The following CEP41 variants were observed in gnomAD, a reference collection of about 807,000 sequenced individuals.
The protein encoded by CEP41 is centrosomal protein 41.
A neutral mutation model predicts 44.3 loss-of-function variants in CEP41; 32 were observed. The ratio of observed to expected loss-of-function variants is 0.72; its 90% CI spans 0.54 to 0.97. CEP41 has a LOEUF of 0.97. CEP41 is among the 50% of genes least tolerant of loss of function. The pLI is 0.00. For synonymous variants in CEP41, 151 were observed against 168.5 expected (o/e 0.90, Z 0.80); for missense variants, 432 against 455.2 (o/e 0.95, Z 0.46).
At position 130,399,024 on chromosome 7, in the gene CEP41, G is replaced by C. The variant is rs782447449; in HGVS notation, c.989C>G (p.Ala330Gly). Residue 330 changes from alanine (A) to glycine (G), a missense_variant, in exon 11 of 11, where the codon GCT becomes GGT. By Grantham distance (60) the Ala-to-Gly change is moderately conservative. Transcript: ENST00000223208. ...PADHPSRLNQ[A>G]NSSGRESKVP... ...CTTGGACTCTCTTCCGGAGGAGTTAGCTTGGTTCAGTCGGCCTGAAGGGAG... is the reference window on the plus strand; with the variant it reads ...CTTGGACTCTCTTCCGGAGGAGTTACCTTGGTTCAGTCGGCCTGAAGGGAG... 6.2e-7 allele frequency: 1 copy of C among 1,614,106 alleles called. No individual in the cohort carries two copies. Among genetic ancestry groups the C allele is most frequent in the Non-Finnish European group, 8.5e-7 (1 of 1,180,038 alleles).
intron 5 of CEP41, among the ~76,000 whole-genome samples, chr7:130,410,397 C>T (rs1554419293): frequency 6.6e-6 from 1 of 152,128 alleles, no homozygotes; most frequent in Non-Finnish European, 1.5e-5. Context: ...TCTCCCACAA[C>T]ATCCTGCATC....
chr7:130,402,351 AAAC>A (rs1554417120), intron 7 of CEP41, among the ~76,000 whole-genome samples: 1 of 151,094 alleles, frequency 6.6e-6, no homozygotes, highest in African/African-American at 2.4e-5. Context: ...AACAAAAAAA[AAAC>A]AAAAAAAAAA....
At position 130,440,978 on chromosome 7, in the gene CEP41, C is replaced by A. The variant is rs782713645; in HGVS notation, c.-12G>T. 89 of 1,612,600 alleles carry A rather than the reference C, an allele frequency of 5.5e-5. No individual in the cohort carries two copies. Among genetic ancestry groups the A allele is most frequent in the Non-Finnish European group, 7.5e-5 (89 of 1,179,990 alleles). On this transcript the variant is annotated 5_prime_UTR_variant, in exon 1 of 11. Transcript: ENST00000223208. ...CTCCGGAGGGACATATTTTCTCCAACCGACCACGTTCGGGGTTCTAGCCTC... is the reference window on the plus strand; with the variant it reads ...CTCCGGAGGGACATATTTTCTCCAAACGACCACGTTCGGGGTTCTAGCCTC...
Position 130,394,153 on chromosome 7 carries a change from T to C in CEP41, c.*4738A>G, listed in dbSNP as rs782310305. ...TTAGAGGCATCACCAAAGGAGAACA[T>C]GGTTGTGCCCACCCAGAGTGAGAAG... is the stretch of plus-strand genomic sequence containing the variant. On this transcript the variant is annotated 3_prime_UTR_variant, in exon 11 of 11. Transcript: ENST00000223208. 2.4e-5 allele frequency: 11 copies of C among 454,056 alleles called. 2 individuals carry two copies. The highest frequency in any genetic ancestry group is 1.7e-4 in the South Asian group (11 of 64,470). 28.1% of individuals were successfully genotyped at this position (454,056 alleles called of 1,614,324 possible).
intron 1 of CEP41, among the ~76,000 whole-genome samples, chr7:130,429,333 T>C (rs781982914): frequency 2.2e-4 from 33 of 152,310 alleles, no homozygotes; most frequent in South Asian, 8.3e-4. Flanking sequence ...AAAATGCATA[T>C]GTCAGGTCTC....
chr7:130,405,357 T>TA (rs1376590714), intron 5 of CEP41, among the ~76,000 whole-genome samples: 1 of 152,202 alleles, frequency 6.6e-6, no homozygotes, highest in Non-Finnish European at 1.5e-5. Flanking sequence ...TATGGTTAGT[T>TA]AGACTTGTAT....
At chr7:130,430,009 C>T (rs1554424724) in intron 1 of CEP41, among the ~76,000 whole-genome samples, 1 of 152,146 alleles carries the variant, frequency 6.6e-6, no homozygotes, top group Non-Finnish European at 1.5e-5. Flanking sequence ...GCATCCTTTG[C>T]CTTTGAAAAC....
chr7:130,436,880 T>C (rs1250200159), intron 1 of CEP41, among the ~76,000 whole-genome samples: 1 of 151,816 alleles, frequency 6.6e-6, no homozygotes, highest in Admixed American at 6.6e-5. Context: ...CTACTAAAAA[T>C]ACAAAAAAAT....
rs782154267 is a variant in CEP41, at chr7:130,397,994, T to C, written c.*897A>G. ...TTCGGAGTCCTCTTCACCTTGTGTG[T>C]CCACAGTTGTCCAACCAAAGCTGGT... On this transcript the variant is annotated 3_prime_UTR_variant, in exon 11 of 11. Coordinates refer to ENST00000223208, the MANE Select transcript of CEP41 (RefSeq NM_018718.3). 2.9e-5 allele frequency: 13 copies of C among 454,314 alleles called. No individual in the cohort carries two copies. Among genetic ancestry groups the C allele is most frequent in the African/African-American group, 2.4e-4 (12 of 50,006 alleles). The allele number at this position is 454,314 out of a possible 1,614,324, so 28.1% of individuals were successfully genotyped here.
At position 130,398,954 on chromosome 7, in the gene CEP41, G is replaced by A. The variant is rs782301750; in HGVS notation, c.1059C>T (p.Pro353=). The part of the protein sequence containing the change: ...RSAQNLPGGG[P]ASHSNPRSLS... ...GGGAGCGGGGGTTTGAGTGGCTGGC[G>A]GGGCCGCCACCTGGCAGATTCTGAG... is the stretch of plus-strand genomic sequence containing the variant. The change falls in exon 11 of 11, where the codon CCC becomes CCT. Residue 353 remains proline (P), a synonymous_variant. Transcript: ENST00000223208. The A allele has an allele frequency of 1.2e-5, 20 of 1,614,174 alleles. No homozygotes were observed. Among genetic ancestry groups the A allele is most frequent in the Middle Eastern group, 1.6e-4 (1 of 6,062 alleles).
chr7:130,420,328 CAAAAAAAAAA>C (rs35795256), intron 2 of CEP41: 1 of 78,186 alleles, frequency 1.3e-5, no homozygotes, highest in Admixed American at 1.6e-4. Context: ...GACTCTATCT[CAAAAAAAAAA>C]AAAAAAAAAA....
chr7:130,411,926 C>G (rs1238240868), intron 4 of CEP41: 1 of 388,612 alleles, frequency 2.6e-6, no homozygotes, highest in African/African-American at 2.1e-5. Context: ...AAACCCCTAA[C>G]CACAAGTTTA....
At chr7:130,435,967 A>G (rs1797949075) in intron 1 of CEP41, among the ~76,000 whole-genome samples, 1 of 152,162 alleles carries the variant, frequency 6.6e-6, no homozygotes, top group Non-Finnish European at 1.5e-5. Flanking sequence ...AGCCTGGCCA[A>G]GATGGTGAAA....
At chr7:130,409,858 G>C (rs1797121402) in intron 5 of CEP41, among the ~76,000 whole-genome samples, 1 of 152,036 alleles carries the variant, frequency 6.6e-6, no homozygotes, top group Non-Finnish European at 1.5e-5. Context: ...TTAGACCACA[G>C]CCAGACTGGA....
chr7:130,393,805 A>AC lies in CEP41; in HGVS notation c.*5085dup. 1 of 453,984 alleles carries AC rather than the reference A, an allele frequency of 2.2e-6. No individual in the cohort carries two copies. Among genetic ancestry groups the AC allele is most frequent in the Non-Finnish European group, 4.4e-6 (1 of 226,748 alleles). The allele number at this position is 453,984 out of a possible 1,614,324, so 28.1% of individuals were successfully genotyped here. ...TATGGTTTACTGAATGAATGGCTAG[A>AC]CCTATCAGGAAAACAGCCTACTTTT... On this transcript the variant is annotated 3_prime_UTR_variant, in exon 11 of 11. Coordinates refer to ENST00000223208, the MANE Select transcript of CEP41 (RefSeq NM_018718.3).
intron 2 of CEP41, among the ~76,000 whole-genome samples, chr7:130,427,140 C>A (rs536352384): frequency 1.3e-5 from 2 of 152,104 alleles, no homozygotes; most frequent in African/African-American, 4.8e-5. Context: ...AAGTCAACAT[C>A]GTCATTTACT....
rs1015985342 is a variant in CEP41, at chr7:130,402,050, A to G, written c.575-102T>C. The G allele has an allele frequency of 1.4e-5, 11 of 812,558 alleles. No homozygotes were observed. The African/African-American group carries it at 1.9e-4, about 14-fold the overall frequency. The allele number at this position is 812,558 out of a possible 1,614,324, so 50.3% of individuals were successfully genotyped here. A position where few individuals can be genotyped will look rare whatever the true frequency, so the allele number is the denominator to read the frequency against. ...AATCTAAGAGTTAAATACATCTTCA[A>G]AATCCATGAGCTGCTGGGCATGGTG... is the stretch of plus-strand genomic sequence containing the variant. On this transcript the variant is annotated intron_variant, in intron 7 of 10. Coordinates refer to ENST00000223208, the MANE Select transcript of CEP41 (RefSeq NM_018718.3).
chr7:130,431,870 C>T (rs561075705), intron 1 of CEP41, among the ~76,000 whole-genome samples: 4 of 152,150 alleles, frequency 2.6e-5, no homozygotes, highest in Non-Finnish European at 5.9e-5. Flanking sequence ...TCCTGTAGAT[C>T]AGTGGATCTC....
At chr7:130,421,566 T>G (rs1797510361) in intron 2 of CEP41, 1 of 985,024 alleles carries the variant, frequency 1.0e-6, no homozygotes, top group Admixed American at 6.0e-5. Flanking sequence ...ATGCTTACAG[T>G]CAAGGCTATT....
Sources: allele counts gnomAD v4.1 joint callset (sites outside exome capture counted in the v4.1 genomes callset), GRCh38; gene constraint gnomAD v4.1.1; transcripts MANE v1.5; gene names NCBI Gene and HGNC (gene_info 2026-07-23, HGNC 2026-07-21).